Variants in KIF1C observed in about 807,000 individuals in gnomAD.
KIF1C encodes kinesin family member 1C.
Under a neutral mutation model 126.5 loss-of-function variants are expected in KIF1C, and 61 were observed. That is an observed-to-expected ratio of 0.48 (90% CI 0.39 to 0.60). KIF1C has a LOEUF of 0.60. Among genes scored for constraint, KIF1C ranks in the 20% least tolerant of loss-of-function variants. The probability of loss-of-function intolerance (pLI) is 0.00; values close to 1 mark genes in which losing one functional copy is unlikely to be tolerated. For synonymous variants in KIF1C, 640 were observed against 580.6 expected (o/e 1.10, Z -1.47); for missense variants, 1,315 against 1,489.2 (o/e 0.88, Z 1.93).
chr17:5,017,847 G>A (rs1038578191), intron 18 of KIF1C, among the ~76,000 whole-genome samples: 5 of 152,168 alleles, frequency 3.3e-5, no homozygotes, highest in Admixed American at 6.5e-5. Context: ...ACCAGGGGCT[G>A]TGCTGTGAGC....
Position 5,003,808 on chromosome 17 carries a change from G to A in KIF1C, c.799-43G>A, listed in dbSNP as rs16954342. The A allele has an allele frequency of 0.071, 112,796 of 1,584,004 alleles. 4,556 individuals are homozygous for A. Among genetic ancestry groups the A allele is most frequent in the Middle Eastern group, 0.17 (1,008 of 6,018 alleles). ...GTAGGAAGCGGAAGTGGATCACATT[G>A]GGAGAAGAGGGTCTCATCCCCACAT... On this transcript the variant is annotated intron_variant, in intron 9 of 22. Coordinates refer to ENST00000320785, the MANE Select transcript of KIF1C (RefSeq NM_006612.6).
In KIF1C at chr17:5,000,812, C is replaced by G. The variant is rs1430555089; in HGVS notation, c.147C>G (p.Ser49Arg). ...NPKQSKDAPKSFTFDYSYWSH... is the reference protein window; with the variant it reads ...NPKQSKDAPKRFTFDYSYWSH... ...AACAGAGCAAGGATGCCCCCAAAAGCTTCACCTTTGACTACTCCTACTGGT... is the reference window on the plus strand; with the variant it reads ...AACAGAGCAAGGATGCCCCCAAAAGGTTCACCTTTGACTACTCCTACTGGT... The change falls in exon 4 of 23, where the codon AGC becomes AGG. Residue 49 changes from serine to arginine, a missense_variant. Around this residue, in one of 2 missense-constraint regions of KIF1C, gnomAD observed 874 missense variants for 1,053.2 expected, o/e 0.83. Coordinates refer to ENST00000320785, the MANE Select transcript of KIF1C (RefSeq NM_006612.6). 3 of 1,613,966 alleles carry G rather than the reference C, an allele frequency of 1.9e-6. No individual in the cohort carries two copies. In the African/African-American group the frequency reaches 4.0e-5, roughly 22 times the overall value.
chr17:5,009,687 C>G (rs1974817218), intron 16 of KIF1C, among the ~76,000 whole-genome samples: 1 of 150,146 alleles, frequency 6.7e-6, no homozygotes, highest in Admixed American at 6.6e-5. Flanking sequence ...ACTAGGGAGG[C>G]TGAGGCAGTA....
intron 11 of KIF1C, 59 bp from the exon 12 acceptor site, chr17:5,004,508 G>A (rs935570243): frequency 9.9e-6 from 15 of 1,519,222 alleles, no homozygotes; most frequent in East Asian, 2.3e-5. Flanking sequence ...CCTGTGACCC[G>A]GTCTGACTTT....
chr17:5,016,204 C>T (rs565275788), intron 18 of KIF1C, among the ~76,000 whole-genome samples: 1 of 150,936 alleles, frequency 6.6e-6, no homozygotes, highest in African/African-American at 2.4e-5. Flanking sequence ...GTGGTGCGAT[C>T]TCGACTCACT....
At chr17:5,011,383 G>A (rs796432834) in intron 16 of KIF1C, among the ~76,000 whole-genome samples, 3 of 152,232 alleles carry the variant, frequency 2.0e-5, no homozygotes, top group Non-Finnish European at 4.4e-5. Context: ...CTTCTCAGGG[G>A]CTGAGGATAG....
At position 5,013,567 on chromosome 17, in the gene KIF1C, G is replaced by A. The variant is rs539857550; in HGVS notation, c.1492-86G>A. On this transcript the variant is annotated intron_variant, in intron 16 of 22. Transcript: ENST00000320785. Reference sequence around the variant, plus strand: ...CGCAGCTGGCAGTGCCAGGACTGGAGGGGTGTCTCCTCCCACCGCTCCCTT... The same window carrying A: ...CGCAGCTGGCAGTGCCAGGACTGGAAGGGTGTCTCCTCCCACCGCTCCCTT... The A allele has an allele frequency of 2.5e-5, 23 of 917,912 alleles. No individual in the cohort carries two copies. The African/African-American group carries it at 3.0e-4, about 12-fold the overall frequency. 56.9% of individuals were successfully genotyped at this position (917,912 alleles called of 1,614,324 possible). A position where few individuals can be genotyped will look rare whatever the true frequency, so the allele number is the denominator to read the frequency against.
chr17:5,008,576 T>C (rs111381685), intron 16 of KIF1C, among the ~76,000 whole-genome samples: 1 of 152,148 alleles, frequency 6.6e-6, no homozygotes, highest in African/African-American at 2.4e-5. Context: ...CCTCTCTGTT[T>C]TGTAAAGTCA....
chr17:5,003,520 C>T (rs1974653877), intron 8 of KIF1C, 92 bp from the exon 9 acceptor site: 3 of 859,324 alleles, frequency 3.5e-6, no homozygotes, highest in Non-Finnish European at 3.7e-6. Context: ...TAGCCCTTGC[C>T]AGCTGCCCAC....
Position 5,023,581 on chromosome 17 carries a change from C to G in KIF1C, c.2742C>G (p.Pro914=), listed in dbSNP as rs745907130. The G allele has an allele frequency of 1.9e-6, 3 of 1,613,430 alleles. No individual in the cohort carries two copies. Among genetic ancestry groups the G allele is most frequent in the South Asian group, 1.1e-5 (1 of 91,068 alleles). ...PSDRMPSARP[P]SPPLSSWERV... is the part of the protein sequence containing the mutation. ...ACCGCATGCCGTCAGCCCGGCCCCC[C>G]TCGCCACCACTGTCAAGCTGGGAGC... is the stretch of plus-strand genomic sequence containing the variant. The change falls in exon 23 of 23, where the codon CCC becomes CCG. Residue 914 remains proline, a synonymous_variant. Coordinates refer to ENST00000320785, the MANE Select transcript of KIF1C (RefSeq NM_006612.6). This position sits in a 1 kb window ranked among gnomAD's most constrained non-coding sequence, Gnocchi z 4.2.
chr17:5,022,011 G>A lies in KIF1C; in HGVS notation c.2011-81G>A, dbSNP rs1975099607. 2.7e-6 allele frequency: 4 copies of A among 1,461,724 alleles called. No homozygotes were observed. Among genetic ancestry groups the A allele is most frequent in the Admixed American group, 4.4e-5 (2 of 45,606 alleles). The allele number at this position is 1,461,724 out of a possible 1,614,324, so 90.5% of individuals were successfully genotyped here. ...GCTCCCTGATGGGCGTGTTTCCAGTGTACTTAGGACACACTGGGCCAAGAC... is the reference window on the plus strand; with the variant it reads ...GCTCCCTGATGGGCGTGTTTCCAGTATACTTAGGACACACTGGGCCAAGAC... On this transcript the variant is annotated intron_variant, in intron 21 of 22. Coordinates refer to ENST00000320785, the MANE Select transcript of KIF1C (RefSeq NM_006612.6). The surrounding 1 kb of genome is among the most constrained non-coding windows in gnomAD (Gnocchi z 4.9).
rs978815229 is a variant in KIF1C, at chr17:5,026,921, C to G, written c.*2770C>G. 13 of 151,982 alleles carry G rather than the reference C, an allele frequency of 8.6e-5. No homozygotes were observed. The highest frequency in any genetic ancestry group is 2.1e-4 in the South Asian group (1 of 4,822). The allele number at this position is 151,982 out of a possible 1,614,324, so 9.4% of individuals were successfully genotyped here. A position where few individuals can be genotyped will look rare whatever the true frequency, so the allele number is the denominator to read the frequency against. ...TGGGCAACATAGTGAGACTGCCCCC[C>G]CCATCTCTACAAAAAATAAAAATCA... On this transcript the variant is annotated 3_prime_UTR_variant, in exon 23 of 23. Coordinates refer to ENST00000320785, the MANE Select transcript of KIF1C (RefSeq NM_006612.6).
At position 5,023,743 on chromosome 17, in the gene KIF1C, C is replaced by T; in HGVS notation, c.2904C>T (p.Arg968=). 6.6e-7 allele frequency: 1 copy of T among 1,524,666 alleles called. No homozygotes were observed. Among genetic ancestry groups the T allele is most frequent in the Non-Finnish European group, 8.8e-7 (1 of 1,139,008 alleles). The allele number at this position is 1,524,666 out of a possible 1,614,324, so 94.4% of individuals were successfully genotyped here. A position where few individuals can be genotyped will look rare whatever the true frequency, so the allele number is the denominator to read the frequency against. Residue 968 remains arginine, a synonymous_variant, in exon 23 of 23, where the codon CGC becomes CGT. Transcript: ENST00000320785. This position sits in a 1 kb window ranked among gnomAD's most constrained non-coding sequence, Gnocchi z 4.2. ...GGGGGCTGCGCAGGCCCCCAGCCCGCTTTGTGCCCCCTCACGACTGCAAGC... is the reference window on the plus strand; with the variant it reads ...GGGGGCTGCGCAGGCCCCCAGCCCGTTTTGTGCCCCCTCACGACTGCAAGC... ...RGGGLRRPPA[R]FVPPHDCKLR...
chr17:5,008,129 G>A (rs1026332862), intron 16 of KIF1C, among the ~76,000 whole-genome samples: 2 of 152,134 alleles, frequency 1.3e-5, no homozygotes, highest in African/African-American at 4.8e-5. Context: ...GGGGTGAGTG[G>A]GACACGCCAG....
At chr17:5,001,498 C>T in intron 5 of KIF1C, 97 bp downstream of exon 5, 6 of 1,238,744 alleles carry the variant, frequency 4.8e-6, no homozygotes, top group Non-Finnish European at 6.8e-6. Flanking sequence ...GGAACAGAGA[C>T]CTGGCTCTGA....
At chr17:5,017,274 G>C (rs1481626053) in intron 18 of KIF1C, among the ~76,000 whole-genome samples, 5 of 149,086 alleles carry the variant, frequency 3.4e-5, no homozygotes, top group Admixed American at 2.0e-4. Flanking sequence ...TGATGGTTTA[G>C]TCCCTGTGGG....
chr17:5,001,087 CAAT>C lies in KIF1C; in HGVS notation c.184-134_184-132del, dbSNP rs1483991347. 7 of 1,004,006 alleles carry C rather than the reference CAAT, an allele frequency of 7.0e-6. No individual in the cohort carries two copies. In the African/African-American group the frequency reaches 8.0e-5, roughly 11 times the overall value. 62.2% of individuals were successfully genotyped at this position (1,004,006 alleles called of 1,614,324 possible). On this transcript the variant is annotated intron_variant, in intron 4 of 22. Coordinates refer to ENST00000320785, the MANE Select transcript of KIF1C (RefSeq NM_006612.6). Reference sequence around the variant, plus strand: ...GATAGGATCCTTGGGGTGGTAAGGACAATGATGAGGGTGGGAGGGCACACAGGA... The same window carrying C: ...GATAGGATCCTTGGGGTGGTAAGGACGATGAGGGTGGGAGGGCACACAGGA...
rs1247878725 is a variant in KIF1C at position 5,022,871 on chromosome 17, T to C, written c.2628+162T>C. ...TGTTTACGAACCACATGCCTCGCTGTCACCAGGCTGCTAATTAAAATAGAT... is the reference window on the plus strand; with the variant it reads ...TGTTTACGAACCACATGCCTCGCTGCCACCAGGCTGCTAATTAAAATAGAT... On this transcript the variant is annotated intron_variant, in intron 22 of 22. Transcript: ENST00000320785. The surrounding 1 kb of genome is among the most constrained non-coding windows in gnomAD (Gnocchi z 4.9). 6.6e-6 allele frequency among the ~76,000 whole-genome samples: 1 copy of C among 152,254 alleles called. No homozygotes were observed. The highest frequency in any genetic ancestry group is 1.5e-5 in the Non-Finnish European group (1 of 68,046).
chr17:5,023,719 G>A lies in KIF1C; in HGVS notation c.2880G>A (p.Gly960=), dbSNP rs745500623. ...TGCAGGGCTCTGGGGGCCGGGGCGG[G>A]GGGCTGCGCAGGCCCCCAGCCCGCT... ...QGLQGSGGRG[G]GLRRPPARFV... Residue 960 remains glycine (G), a synonymous_variant, in exon 23 of 23, where the codon GGG becomes GGA. Transcript: ENST00000320785. The surrounding 1 kb of genome is among the most constrained non-coding windows in gnomAD (Gnocchi z 4.2). The A allele has an allele frequency of 1.5e-5, 23 of 1,545,144 alleles. 1 individual carries two copies. The South Asian group carries it at 2.5e-4, about 17-fold the overall frequency.
Sources: gnomAD v4.1 joint callset for allele counts (sites outside exome capture counted in the v4.1 genomes callset) on GRCh38, gnomAD v4.1.1 for gene constraint, gnomAD v4.1.1 regional missense constraint, Gnocchi (gnomAD v3.1) non-coding constraint, MANE v1.5 for transcripts, NCBI Gene and HGNC (gene_info 2026-07-23, HGNC 2026-07-21) for gene names.